ARHGAP19: variants seen among roughly 807,000 people sequenced by gnomAD.
ARHGAP19 encodes rho GTPase-activating protein 19.
A neutral mutation model predicts 60.9 loss-of-function variants in ARHGAP19; 48 were observed. The observed-to-expected ratio is 0.79, with a 90% CI of 0.62 to 1.00. The LOEUF is 1.00. Among genes scored for constraint, ARHGAP19 ranks in the 50% least tolerant of loss-of-function variants. The probability of loss-of-function intolerance (pLI) is 0.00; values close to 1 mark genes in which losing one functional copy is unlikely to be tolerated. For synonymous variants in ARHGAP19, 209 were observed against 215.5 expected (o/e 0.97, Z 0.27); for missense variants, 562 against 597.2 (o/e 0.94, Z 0.61).
chr10:97,273,484 C>CTTT lies in ARHGAP19; in HGVS notation c.57-7362_57-7360dup, dbSNP rs11442502. 8.6e-3 allele frequency among the ~76,000 whole-genome samples: 797 copies of CTTT among 92,412 alleles called. 2 individuals are homozygous for CTTT. The highest frequency in any genetic ancestry group is 0.013 in the East Asian group (38 of 3,004). The allele number at this position is 92,412 out of a possible 152,430, so 60.6% of individuals were successfully genotyped here. ...AGCCTATTTCATTAATTTCTGCTCTCTTTTTTTTTTTTTTTTTTTTTTGAG... is the reference window on the plus strand; with the variant it reads ...AGCCTATTTCATTAATTTCTGCTCTCTTTTTTTTTTTTTTTTTTTTTTTTTGAG... On this transcript the variant is annotated intron_variant, in intron 1 of 11. Transcript: ENST00000358531.
chr10:97,239,542 GA>G (rs1842436776), intron 8 of ARHGAP19, among the ~76,000 whole-genome samples: 2 of 130,234 alleles, frequency 1.5e-5, no homozygotes, highest in Non-Finnish European at 3.2e-5. Flanking sequence ...GTGAGAGAGA[GA>G]GAGAGAGGGT....
At position 97,256,207 on chromosome 10, in the gene ARHGAP19, A is replaced by G. The variant is rs1192785332; in HGVS notation, c.927+111T>C. On this transcript the variant is annotated intron_variant, in intron 6 of 11. Coordinates refer to ENST00000358531, the MANE Select transcript of ARHGAP19 (RefSeq NM_032900.6). ...TTGCCACTGTCCATTCTGGTTTGCA[A>G]TCCCATTCAGGACCTTTTTCTCGTT... The G allele has an allele frequency of 3.4e-6, 3 of 881,472 alleles. No individual in the cohort carries two copies. The South Asian group carries it at 4.5e-5, about 13-fold the overall frequency. 54.6% of individuals were successfully genotyped at this position (881,472 alleles called of 1,614,324 possible).
Position 97,259,616 on chromosome 10 carries a change from A to G in ARHGAP19, c.626T>C (p.Phe209Ser). 6.2e-7 allele frequency: 1 copy of G among 1,614,008 alleles called. No homozygotes were observed. Among genetic ancestry groups the G allele is most frequent in the East Asian group, 2.2e-5 (1 of 44,882 alleles). Residue 209 changes from phenylalanine (F) to serine (S), a missense_variant, in exon 5 of 12, where the codon TTT (phenylalanine) becomes TCT (serine). Transcript: ENST00000358531. ...AHLKIADLMQ[F>S]DDKGNKTNIP... Reference sequence around the variant, plus strand: ...ATTGGTCTTGTTTCCTTTATCATCAAACTGCATCAAATCTTGAGGACAAAA... The same window carrying G: ...ATTGGTCTTGTTTCCTTTATCATCAGACTGCATCAAATCTTGAGGACAAAA...
At chr10:97,281,260 G>T (rs544844762) in intron 1 of ARHGAP19, among the ~76,000 whole-genome samples, 3 of 151,724 alleles carry the variant, frequency 2.0e-5, no homozygotes, top group African/African-American at 7.3e-5. Flanking sequence ...AATTAGCCAG[G>T]CATGGTTGCT....
At chr10:97,265,809 A>G in intron 2 of ARHGAP19, 51 bp downstream of exon 2, 6 of 1,577,656 alleles carry the variant, frequency 3.8e-6, no homozygotes, top group Non-Finnish European at 5.2e-6. Flanking sequence ...TTGAGAGAGA[A>G]GCCCAGGGAG....
chr10:97,282,773 A>T (rs544234692), intron 1 of ARHGAP19, among the ~76,000 whole-genome samples: 38 of 151,526 alleles, frequency 2.5e-4, no homozygotes, highest in African/African-American at 9.2e-4. Context: ...TGTTACTCGA[A>T]TCCCCAGTTA....
chr10:97,260,708 C>A (rs772667381), intron 4 of ARHGAP19, among the ~76,000 whole-genome samples: 14 of 151,900 alleles, frequency 9.2e-5, no homozygotes, highest in Non-Finnish European at 1.8e-4. Flanking sequence ...AATGATATAA[C>A]CACTTAGAAA....
At chr10:97,282,091 C>A (rs989224641) in intron 1 of ARHGAP19, among the ~76,000 whole-genome samples, 3 of 152,182 alleles carry the variant, frequency 2.0e-5, no homozygotes, top group Non-Finnish European at 4.4e-5. Context: ...ATAAACCTCT[C>A]CCCATCTTTC....
intron 9 of ARHGAP19, among the ~76,000 whole-genome samples, chr10:97,230,203 C>T (rs2134805873): frequency 6.6e-6 from 1 of 152,198 alleles, no homozygotes; most frequent in East Asian, 1.9e-4. Context: ...AATATAGAAA[C>T]ACCAGTTACT....
intron 8 of ARHGAP19, among the ~76,000 whole-genome samples, chr10:97,238,327 C>G (rs1589447793): frequency 6.6e-6 from 1 of 152,192 alleles, no homozygotes; most frequent in African/African-American, 2.4e-5. Context: ...CCTGCTGAGG[C>G]TGAGGCTGAG....
intron 8 of ARHGAP19, among the ~76,000 whole-genome samples, chr10:97,236,648 A>C (rs1842383515): frequency 6.6e-6 from 1 of 152,088 alleles, no homozygotes; most frequent in African/African-American, 2.4e-5. Flanking sequence ...GCCACTAAAA[A>C]TACAAAAAAT....
At chr10:97,257,764 A>G (rs753388041) in intron 5 of ARHGAP19, among the ~76,000 whole-genome samples, 1 of 151,734 alleles carries the variant, frequency 6.6e-6, no homozygotes, top group Non-Finnish European at 1.5e-5. Flanking sequence ...GAACTTTATT[A>G]TTTTTTCACT....
intron 1 of ARHGAP19, among the ~76,000 whole-genome samples, chr10:97,289,253 T>G (rs10786323): frequency 0.6 from 90,411 of 151,544 alleles, 27,245 homozygotes; most frequent in East Asian, 0.75. Context: ...TAGGTGGGAT[T>G]ACAGGCACAC....
At position 97,232,457 on chromosome 10, in the gene ARHGAP19, G is replaced by C. The variant is rs113272590; in HGVS notation, c.1285-2583C>G. ...GGATTACAGGCGTGAGCCACTGTGCGCGGCCTCTGCCCACTCTTTAATGAG... is the reference window on the plus strand; with the variant it reads ...GGATTACAGGCGTGAGCCACTGTGCCCGGCCTCTGCCCACTCTTTAATGAG... On this transcript the variant is annotated intron_variant, in intron 9 of 11. Transcript: ENST00000358531. Among the ~76,000 whole-genome samples, 421 of 152,078 alleles carry C rather than the reference G, an allele frequency of 2.8e-3. 2 individuals carry two copies. The highest frequency in any genetic ancestry group is 8.9e-3 in the African/African-American group (370 of 41,500).
chr10:97,244,027 G>A lies in ARHGAP19; in HGVS notation c.1126C>T (p.Leu376=). Residue 376 remains leucine, a synonymous_variant, in exon 8 of 12, where the codon CTG becomes TTG. Transcript: ENST00000358531. The part of the protein sequence containing the change: ...QHHTEEALRE[L]FQHVHDMPES... ...GGCATATCATGAACGTGTTGAAACA[G>A]CTCTCTCAGTGCCTCTTCCGTATGG... 6.2e-7 allele frequency: 1 copy of A among 1,613,888 alleles called. No individual in the cohort carries two copies.
At chr10:97,252,581 G>A (rs892460838) in intron 6 of ARHGAP19, among the ~76,000 whole-genome samples, 2 of 152,036 alleles carry the variant, frequency 1.3e-5, no homozygotes, top group East Asian at 3.9e-4. Context: ...CTGAGATCGC[G>A]CCACTGCACT....
At chr10:97,230,098 T>C (rs1471116238) in intron 9 of ARHGAP19, among the ~76,000 whole-genome samples, 1 of 152,196 alleles carries the variant, frequency 6.6e-6, no homozygotes, top group Non-Finnish European at 1.5e-5. Flanking sequence ...TTCCTCCACA[T>C]TTAAAAGGGC....
chr10:97,225,718 C>A lies in ARHGAP19; in HGVS notation c.*404G>T. 1 of 167,440 alleles carries A rather than the reference C, an allele frequency of 6.0e-6. No homozygotes were observed. Among genetic ancestry groups the A allele is most frequent in the Non-Finnish European group, 1.3e-5 (1 of 78,432 alleles). 10.4% of individuals were successfully genotyped at this position (167,440 alleles called of 1,614,324 possible). On this transcript the variant is annotated 3_prime_UTR_variant, in exon 12 of 12. Transcript: ENST00000358531. Reference sequence around the variant, plus strand: ...AAAACAGAGAAAAACCCAAAATATCCATTAAAAACAACATCAATCCACTGG... The same window carrying A: ...AAAACAGAGAAAAACCCAAAATATCAATTAAAAACAACATCAATCCACTGG...
intron 9 of ARHGAP19, among the ~76,000 whole-genome samples, chr10:97,231,975 C>T (rs1412042208): frequency 1.4e-5 from 2 of 144,014 alleles, no homozygotes; most frequent in Non-Finnish European, 3.0e-5. Flanking sequence ...TGTTATTTTC[C>T]GTTGTTTTTT....
Sources: gnomAD v4.1 joint callset for allele counts (sites outside exome capture counted in the v4.1 genomes callset) on GRCh38, gnomAD v4.1.1 for gene constraint, MANE v1.5 for transcripts, NCBI Gene and HGNC (gene_info 2026-07-23, HGNC 2026-07-21) for gene names.